The following PM20D2 variants were observed in gnomAD, a reference collection of about 807,000 sequenced individuals.
PM20D2 encodes xaa-Arg dipeptidase.
Under a neutral mutation model 42.9 loss-of-function variants are expected in PM20D2, and 33 were observed. The observed-to-expected ratio is 0.77, with a 90% CI of 0.58 to 1.03. The LOEUF (loss-of-function observed/expected upper bound fraction) is 1.03. Among genes scored for constraint, PM20D2 ranks in the 50% least tolerant of loss-of-function variants. The pLI, the probability that PM20D2 is intolerant of heterozygous loss-of-function variation, is 0.00. For missense variants in PM20D2, 548 were observed against 557.0 expected, an observed-to-expected ratio of 0.98 and a Z score of 0.16; for synonymous variants, 250 against 228.2, an observed-to-expected ratio of 1.10 and a Z score of -0.86.
At chr6:89,107,502 T>C in the PM20D2 span, among the ~76,000 whole-genome samples, 109,411 of 151,984 alleles carry the variant, frequency 0.72, 39,480 homozygotes, top group East Asian at 0.84. Flanking sequence ...GACCAAGGTA[T>C]GTGGATCACT....
chr6:89,146,477 C>T lies in PM20D2; in HGVS notation c.333C>T (p.Leu111=), dbSNP rs888899615. ...ATPRPLHLGF[L]CEYDALPGIG... is the part of the protein sequence containing the mutation. ...CACGCCCGCTGCACCTGGGCTTCCTCTGCGAGTACGACGCGCTGCCCGGCA... is the reference window on the plus strand; with the variant it reads ...CACGCCCGCTGCACCTGGGCTTCCTTTGCGAGTACGACGCGCTGCCCGGCA... Residue 111 remains leucine (L), a synonymous_variant, in exon 1 of 7, where the codon CTC becomes CTT. Transcript: ENST00000275072. 3 of 1,524,218 alleles carry T rather than the reference C, an allele frequency of 2.0e-6. No homozygotes were observed. Among genetic ancestry groups the T allele is most frequent in the African/African-American group, 2.8e-5 (2 of 70,844 alleles). 94.4% of individuals were successfully genotyped at this position (1,524,218 alleles called of 1,614,324 possible).
chr6:89,132,302 A>ATAGAAAG, the PM20D2 span, among the ~76,000 whole-genome samples: 1 of 144,884 alleles, frequency 6.9e-6, no homozygotes, highest in African/African-American at 2.9e-5. Context: ...CCCTCCACTC[A>ATAGAAAG]AACTTCCTGT....
the PM20D2 span, among the ~76,000 whole-genome samples, chr6:89,120,004 A>G: frequency 2.0e-5 from 3 of 152,318 alleles, no homozygotes; most frequent in African/African-American, 7.2e-5. Context: ...ATCATGGTGT[A>G]GGGCAAAAGG....
chr6:89,117,455 ACG>A, the PM20D2 span, among the ~76,000 whole-genome samples: 7 of 152,278 alleles, frequency 4.6e-5, no homozygotes, highest in African/African-American at 1.7e-4. Flanking sequence ...AGGAGCTGAA[ACG>A]CGGGCACTCG....
rs12661837 is a variant in PM20D2 at position 89,154,470 on chromosome 6, C to G, written c.758-278C>G. Among the ~76,000 whole-genome samples the G allele has an allele frequency of 7.2e-5, 11 of 152,124 alleles. No individual in the cohort carries two copies. In the East Asian group the frequency reaches 2.1e-3, roughly 29 times the overall value. On this transcript the variant is annotated intron_variant, in intron 3 of 6. Coordinates refer to ENST00000275072, the MANE Select transcript of PM20D2 (RefSeq NM_001010853.3). ...TTGTGGTTATATAATTTCTAAGTTTCATTATAGTCTGGATCATAATTTCTT... is the reference window on the plus strand; with the variant it reads ...TTGTGGTTATATAATTTCTAAGTTTGATTATAGTCTGGATCATAATTTCTT...
chr6:89,156,570 A>G (rs991636816), intron 4 of PM20D2, among the ~76,000 whole-genome samples: 4 of 152,242 alleles, frequency 2.6e-5, no homozygotes, highest in African/African-American at 7.2e-5. Context: ...AGTAGCAGTA[A>G]TTCTCAGAAA....
At chr6:89,106,202 G>T in the PM20D2 span, among the ~76,000 whole-genome samples, 1 of 152,000 alleles carries the variant, frequency 6.6e-6, no homozygotes, top group Non-Finnish European at 1.5e-5. Context: ...CTCACTGTAA[G>T]CCCAGGTTCA....
chr6:89,127,697 G>A, the PM20D2 span, among the ~76,000 whole-genome samples: 2 of 152,102 alleles, frequency 1.3e-5, 1 homozygote, highest in African/African-American at 4.8e-5. Flanking sequence ...CTGTAATAAT[G>A]GAAGTGTTCT....
intron 1 of PM20D2, among the ~76,000 whole-genome samples, chr6:89,147,893 A>T (rs1770654444): frequency 7.1e-6 from 1 of 140,556 alleles, no homozygotes. Flanking sequence ...GCCTCCTCTT[A>T]AAAAAAAAAA....
the PM20D2 span, among the ~76,000 whole-genome samples, chr6:89,125,648 T>C: frequency 1.3e-5 from 2 of 151,794 alleles, no homozygotes; most frequent in Non-Finnish European, 2.9e-5. Flanking sequence ...CCGGGCGTGG[T>C]GGCGGGTGCC....
chr6:89,107,756 C>T, the PM20D2 span, among the ~76,000 whole-genome samples: 3 of 151,784 alleles, frequency 2.0e-5, no homozygotes, highest in Admixed American at 6.6e-5. Flanking sequence ...AAAGAAAACA[C>T]GAAAAAAACC....
the PM20D2 span, among the ~76,000 whole-genome samples, chr6:89,119,345 A>G: frequency 6.6e-6 from 1 of 152,260 alleles, no homozygotes; most frequent in South Asian, 2.1e-4. Context: ...GCAAGGCTAG[A>G]GGGTCACTTA....
rs764122792 is a variant in PM20D2 at position 89,153,202 on chromosome 6, C to T, written c.757+17C>T. ...GAGTTCATGGTATGAATGTCAAATA[C>T]CTTCTATAATAGATGGTGCTTGCTA... On this transcript the variant is annotated intron_variant, in intron 3 of 6. Coordinates refer to ENST00000275072, the MANE Select transcript of PM20D2 (RefSeq NM_001010853.3). 3 of 1,564,556 alleles carry T rather than the reference C, an allele frequency of 1.9e-6. No individual in the cohort carries two copies. The highest frequency in any genetic ancestry group is 8.6e-7 in the Non-Finnish European group (1 of 1,156,130).
At chr6:89,102,204 G>C in the PM20D2 span, among the ~76,000 whole-genome samples, 1 of 151,814 alleles carries the variant, frequency 6.6e-6, no homozygotes, top group Non-Finnish European at 1.5e-5. Flanking sequence ...AGTGCAGTGG[G>C]GCGAGCTTGG....
At chr6:89,098,886 G>A in the PM20D2 span, 11 of 1,613,714 alleles carry the variant, frequency 6.8e-6, no homozygotes, top group East Asian at 4.5e-5. Context: ...GAGGTAGACC[G>A]CCTTGGTAAT....
the PM20D2 span, among the ~76,000 whole-genome samples, chr6:89,125,076 G>C: frequency 6.6e-3 from 1,002 of 152,162 alleles, 9 homozygotes; most frequent in African/African-American, 0.023. Flanking sequence ...GATCAGATTT[G>C]TGTTTAATAA....
chr6:89,110,891 G>A, the PM20D2 span, among the ~76,000 whole-genome samples: 1 of 152,062 alleles, frequency 6.6e-6, no homozygotes, highest in Non-Finnish European at 1.5e-5. Context: ...CAAGGTGGGA[G>A]GACTACTTGA....
At chr6:89,117,984 C>G in the PM20D2 span, 4 of 1,319,834 alleles carry the variant, frequency 3.0e-6, no homozygotes, top group South Asian at 1.4e-5. Context: ...CCGCCGGCCC[C>G]CGGCGCGACC....
At chr6:89,134,087 G>C in the PM20D2 span, among the ~76,000 whole-genome samples, 9 of 151,222 alleles carry the variant, frequency 6.0e-5, no homozygotes, top group African/African-American at 2.2e-4. Context: ...CAAGGAGGGT[G>C]CTGTAGAGTT....
Sources: allele counts gnomAD v4.1 joint callset (sites outside exome capture counted in the v4.1 genomes callset), GRCh38; gene constraint gnomAD v4.1.1; transcripts MANE v1.5; gene names NCBI Gene and HGNC (gene_info 2026-07-23, HGNC 2026-07-21).